The following LPGAT1 variants were observed in gnomAD, a reference collection of about 807,000 sequenced individuals.
LPGAT1 encodes acyl-CoA:lysophosphatidylglycerol acyltransferase 1.
LPGAT1 carries 11 observed loss-of-function variants against 47.5 expected under a neutral mutation model. The ratio of observed to expected loss-of-function variants is 0.23; its 90% CI spans 0.15 to 0.38. The LOEUF is 0.38. LPGAT1 is among the 10% of genes least tolerant of loss of function. The pLI is 1.00. For synonymous variants in LPGAT1, 138 were observed against 144.2 expected (o/e 0.96, Z 0.31); for missense variants, 293 against 439.0 (o/e 0.67, Z 2.97).
intron 6 of LPGAT1, among the ~76,000 whole-genome samples, chr1:211,767,494 TAAA>T (rs1657968108): frequency 6.6e-6 from 1 of 152,132 alleles, no homozygotes; most frequent in African/African-American, 2.4e-5. Context: ...GTGTGGAAAA[TAAA>T]AACTTTTAGG....
intron 2 of LPGAT1, among the ~76,000 whole-genome samples, chr1:211,807,948 T>G (rs1659821556): frequency 6.6e-6 from 1 of 152,050 alleles, no homozygotes; most frequent in Non-Finnish European, 1.5e-5. Context: ...TTTAAAAAAA[T>G]CAATAAATTA....
intron 2 of LPGAT1, among the ~76,000 whole-genome samples, chr1:211,816,305 T>C (rs1660172011): frequency 6.6e-6 from 1 of 152,200 alleles, no homozygotes; most frequent in African/African-American, 2.4e-5. Context: ...ACATGTAAAC[T>C]TCTTAAGAAC....
At chr1:211,818,356 G>T (rs1328672130) in intron 2 of LPGAT1, among the ~76,000 whole-genome samples, 2 of 152,156 alleles carry the variant, frequency 1.3e-5, no homozygotes, top group Non-Finnish European at 2.9e-5. Flanking sequence ...AGTAAAGGGG[G>T]TGGTCATCAT....
At chr1:211,811,132 C>G (rs1400724910) in intron 2 of LPGAT1, among the ~76,000 whole-genome samples, 1 of 152,082 alleles carries the variant, frequency 6.6e-6, no homozygotes, top group Non-Finnish European at 1.5e-5. Context: ...ATTGGAAAGT[C>G]AAGAGTTTTT....
intron 6 of LPGAT1, among the ~76,000 whole-genome samples, chr1:211,771,142 C>A (rs4951548): frequency 0.34 from 51,573 of 151,040 alleles, 10,460 homozygotes; most frequent in East Asian, 0.72. Context: ...TTTTACTGTA[C>A]CTTTTCTATG....
At chr1:211,752,794 A>G (rs114399332) in intron 6 of LPGAT1, among the ~76,000 whole-genome samples, 1 of 147,344 alleles carries the variant, frequency 6.8e-6, no homozygotes, top group East Asian at 2.0e-4. Context: ...CTGACTTCCA[A>G]TTTTTGGAAT....
intron 6 of LPGAT1, among the ~76,000 whole-genome samples, chr1:211,771,112 AAAC>A (rs1400060923): frequency 1.3e-5 from 2 of 152,030 alleles, no homozygotes; most frequent in Admixed American, 1.3e-4. Context: ...AAAAAAAAAA[AAAC>A]AACTTTTATA....
chr1:211,813,040 A>G (rs773271201), intron 2 of LPGAT1, among the ~76,000 whole-genome samples: 2 of 152,188 alleles, frequency 1.3e-5, no homozygotes, highest in Non-Finnish European at 2.9e-5. Context: ...GTTCTAATAA[A>G]CCTCCAAAGG....
At chr1:211,755,976 G>A (rs867581780) in intron 6 of LPGAT1, among the ~76,000 whole-genome samples, 7 of 152,234 alleles carry the variant, frequency 4.6e-5, no homozygotes, top group Middle Eastern at 3.4e-3. Flanking sequence ...TCTGCCTCAC[G>A]CCTATAATCT....
At chr1:211,813,684 T>C (rs1430240670) in intron 2 of LPGAT1, among the ~76,000 whole-genome samples, 1 of 152,244 alleles carries the variant, frequency 6.6e-6, no homozygotes, top group Non-Finnish European at 1.5e-5. Flanking sequence ...ACATTTTGCT[T>C]AACTGGAGTT....
intron 2 of LPGAT1, among the ~76,000 whole-genome samples, chr1:211,795,354 T>C (rs1456920700): frequency 2.0e-5 from 3 of 152,072 alleles, no homozygotes; most frequent in African/African-American, 7.2e-5. Flanking sequence ...CCACTAGTTG[T>C]GTTTTTTGTT....
rs535107748 is a variant in LPGAT1 at position 211,746,842 on chromosome 1, T to C, written c.*3057A>G. On this transcript the variant is annotated 3_prime_UTR_variant, in exon 8 of 8. Transcript: ENST00000366997. ...ACAGTTCACCACCAATAATTGTTTC[T>C]GAAGTTAAGGGTGACCTGCTGGCTT... 1 of 152,226 alleles carries C rather than the reference T, an allele frequency of 6.6e-6. No homozygotes were observed. Among genetic ancestry groups the C allele is most frequent in the Non-Finnish European group, 1.5e-5 (1 of 68,042 alleles). 9.4% of individuals were successfully genotyped at this position (152,226 alleles called of 1,614,324 possible). A position where few individuals can be genotyped will look rare whatever the true frequency, so the allele number is the denominator to read the frequency against.
At chr1:211,829,588 A>C in intron 1 of LPGAT1, 3 of 1,255,238 alleles carry the variant, frequency 2.4e-6, no homozygotes, top group South Asian at 1.9e-5. Flanking sequence ...ATTCCCATTC[A>C]GTAATCGGTG....
chr1:211,785,940 T>G (rs1658861022), intron 4 of LPGAT1, among the ~76,000 whole-genome samples: 1 of 152,132 alleles, frequency 6.6e-6, no homozygotes, highest in South Asian at 2.1e-4. Flanking sequence ...ATCATTAGAA[T>G]CAACTGTTAC....
intron 2 of LPGAT1, among the ~76,000 whole-genome samples, chr1:211,813,322 C>T (rs1660063032): frequency 6.6e-6 from 1 of 152,126 alleles, no homozygotes; most frequent in African/African-American, 2.4e-5. Flanking sequence ...TGTACTGATA[C>T]AGAATCTCCA....
Position 211,748,979 on chromosome 1 carries a change from A to G in LPGAT1, c.*920T>C, listed in dbSNP as rs1386252468. On this transcript the variant is annotated 3_prime_UTR_variant, in exon 8 of 8. Coordinates refer to ENST00000366997, the MANE Select transcript of LPGAT1 (RefSeq NM_014873.3). ...ATTTAGTGCCAATGTCAAAATGGAA[A>G]AAATAAAGCCTCTGAGCTGCAATAG... is the stretch of plus-strand genomic sequence containing the variant. 1 of 152,452 alleles carries G rather than the reference A, an allele frequency of 6.6e-6. No individual in the cohort carries two copies. Among genetic ancestry groups the G allele is most frequent in the Non-Finnish European group, 1.5e-5 (1 of 68,058 alleles). The allele number at this position is 152,452 out of a possible 1,614,324, so 9.4% of individuals were successfully genotyped here.
chr1:211,778,495 C>T (rs1406636004), intron 6 of LPGAT1, among the ~76,000 whole-genome samples: 1 of 152,176 alleles, frequency 6.6e-6, no homozygotes, highest in Non-Finnish European at 1.5e-5. Flanking sequence ...TATTCCTTTA[C>T]TTTCCTAATA....
chr1:211,791,746 CAAAA>C (rs1195989474), intron 3 of LPGAT1, among the ~76,000 whole-genome samples: 1 of 36,404 alleles, frequency 2.7e-5, no homozygotes, highest in Non-Finnish European at 6.2e-5. Flanking sequence ...GACTCCATCT[CAAAA>C]AAAAAAAAAA....
intron 3 of LPGAT1, among the ~76,000 whole-genome samples, chr1:211,792,814 C>T (rs1390335631): frequency 6.9e-6 from 1 of 144,586 alleles, no homozygotes; most frequent in African/African-American, 2.6e-5. Context: ...CGGGTTCAAG[C>T]AATTCTCTTG....
Sources: gnomAD v4.1 joint callset for allele counts (sites outside exome capture counted in the v4.1 genomes callset) on GRCh38, gnomAD v4.1.1 for gene constraint, MANE v1.5 for transcripts, NCBI Gene and HGNC (gene_info 2026-07-23, HGNC 2026-07-21) for gene names.